ADCY2: variants seen among roughly 807,000 people sequenced by gnomAD.
ADCY2 encodes adenylate cyclase 2, also known as adenylate cyclase type 2.
ADCY2 carries 31 observed loss-of-function variants against 125.2 expected under a neutral mutation model. The ratio of observed to expected loss-of-function variants is 0.25; its 90% CI spans 0.19 to 0.33. The LOEUF is 0.33. Ranked by LOEUF, ADCY2 falls within the 10% of genes least tolerant of loss-of-function variation. ADCY2 has a pLI of 1.00. For synonymous variants in ADCY2, 512 were observed against 548.4 expected, an observed-to-expected ratio of 0.93 and a Z score of 0.93; for missense variants, 904 against 1,418.2, an observed-to-expected ratio of 0.64 and a Z score of 5.82.
At chr5:7,445,122 ATAGT>A (rs1275834887) in intron 2 of ADCY2, among the ~76,000 whole-genome samples, 1 of 152,228 alleles carries the variant, frequency 6.6e-6, no homozygotes. Flanking sequence ...GATCAATCTT[ATAGT>A]GTGTTTGGAG....
chr5:7,403,945 C>CACACAG (rs1213598424), intron 1 of ADCY2, among the ~76,000 whole-genome samples: 4 of 150,178 alleles, frequency 2.7e-5, no homozygotes, highest in African/African-American at 1.0e-4. Context: ...GCTACACACA[C>CACACAG]ACACACACAC....
intron 21 of ADCY2, among the ~76,000 whole-genome samples, chr5:7,803,062 C>T (rs1023784822): frequency 6.6e-6 from 1 of 152,126 alleles, no homozygotes; most frequent in Non-Finnish European, 1.5e-5. Flanking sequence ...TTACATAACA[C>T]GGTGGTTTCA....
chr5:7,557,150 A>ATATATATATATATATATAT (rs56195617), intron 3 of ADCY2, among the ~76,000 whole-genome samples: 1 of 107,576 alleles, frequency 9.3e-6, no homozygotes, highest in African/African-American at 3.6e-5. Context: ...TATATATATA[A>ATATATATATATATATATAT]ACTTTATAGA....
chr5:7,748,194 C>T (rs1357254297), intron 15 of ADCY2, among the ~76,000 whole-genome samples: 1 of 152,154 alleles, frequency 6.6e-6, no homozygotes, highest in Admixed American at 6.5e-5. Context: ...AGGGGACCTT[C>T]TCCAGATGGC....
intron 3 of ADCY2, among the ~76,000 whole-genome samples, chr5:7,572,933 G>C (rs1015048585): frequency 2.0e-5 from 3 of 152,150 alleles, no homozygotes; most frequent in African/African-American, 7.2e-5. Context: ...TGGAGATTGA[G>C]TCTTTACAGA....
At position 7,709,230 on chromosome 5, in the gene ADCY2, A is replaced by C. The variant is rs750384434; in HGVS notation, c.1421A>C (p.Gln474Pro). 6.2e-7 allele frequency: 1 copy of C among 1,611,854 alleles called. No homozygotes were observed. Among genetic ancestry groups the C allele is most frequent in the African/African-American group, 1.3e-5 (1 of 74,806 alleles). ...INPKGERRSP[Q>P]HLFRPRHTLD... Reference sequence around the variant, plus strand: ...CCCAAGGGAGAACGACGGAGCCCCCAGCATCTCTTCAGACCTCGCCACACC... The same window carrying C: ...CCCAAGGGAGAACGACGGAGCCCCCCGCATCTCTTCAGACCTCGCCACACC... The change falls in exon 10 of 25, where the codon CAG (glutamine) becomes CCG (proline). Residue 474 changes from glutamine to proline, a missense_variant. By Grantham distance (76) the Gln-to-Pro change is moderately conservative. Around this residue, in one of 7 missense-constraint regions of ADCY2, gnomAD observed 144 missense variants for 227.7 expected, o/e 0.63. Transcript: ENST00000338316. This position sits in a 1 kb window ranked among gnomAD's most constrained non-coding sequence, Gnocchi z 4.4.
At chr5:7,622,350 T>G (rs1412113707) in intron 3 of ADCY2, among the ~76,000 whole-genome samples, 1 of 152,228 alleles carries the variant, frequency 6.6e-6, no homozygotes, top group Non-Finnish European at 1.5e-5. Flanking sequence ...TCAATTAACC[T>G]TAGAATACAA....
chr5:7,588,045 A>G (rs919016051), intron 3 of ADCY2, among the ~76,000 whole-genome samples: 1 of 152,170 alleles, frequency 6.6e-6, no homozygotes, highest in African/African-American at 2.4e-5. Context: ...AATCCCTGTT[A>G]TTGTTACTGC....
chr5:7,446,838 G>T (rs2126411476), intron 2 of ADCY2, among the ~76,000 whole-genome samples: 1 of 152,264 alleles, frequency 6.6e-6, no homozygotes, highest in African/African-American at 2.4e-5. Context: ...CACTTAGAAA[G>T]AACTATATTT....
At chr5:7,626,853 A>C (rs1411961657) in intron 4 of ADCY2, among the ~76,000 whole-genome samples, 2 of 152,080 alleles carry the variant, frequency 1.3e-5, no homozygotes, top group Non-Finnish European at 2.9e-5. Flanking sequence ...TCAACATGAG[A>C]TTTGGAGAGG....
At chr5:7,614,356 C>G (rs1737678124) in intron 3 of ADCY2, among the ~76,000 whole-genome samples, 1 of 152,124 alleles carries the variant, frequency 6.6e-6, no homozygotes, top group South Asian at 2.1e-4. Context: ...TTCCTTTCCC[C>G]AAAACCAGCT....
At chr5:7,755,886 A>T (rs1323441571) in intron 15 of ADCY2, among the ~76,000 whole-genome samples, 1 of 152,222 alleles carries the variant, frequency 6.6e-6, no homozygotes, top group Admixed American at 6.5e-5. Context: ...AGCGCAGCCT[A>T]TTTGTGCTGT....
At chr5:7,567,010 T>G (rs1735914268) in intron 3 of ADCY2, among the ~76,000 whole-genome samples, 1 of 152,220 alleles carries the variant, frequency 6.6e-6, no homozygotes, top group Non-Finnish European at 1.5e-5. Flanking sequence ...AATTCATCAC[T>G]TAATAGATAC....
intron 4 of ADCY2, among the ~76,000 whole-genome samples, chr5:7,660,902 G>A (rs1011311664): frequency 1.3e-5 from 2 of 152,176 alleles, no homozygotes; most frequent in African/African-American, 4.8e-5. Flanking sequence ...AGCAGGGAAG[G>A]GTAGCTATGG....
intron 12 of ADCY2, among the ~76,000 whole-genome samples, chr5:7,723,759 A>G (rs933231511): frequency 4.0e-5 from 6 of 151,776 alleles, no homozygotes; most frequent in Non-Finnish European, 7.4e-5. Context: ...CACCTCTACT[A>G]AAAATACAAA....
chr5:7,585,197 C>G (rs546587094), intron 3 of ADCY2, among the ~76,000 whole-genome samples: 2 of 152,156 alleles, frequency 1.3e-5, no homozygotes, highest in East Asian at 3.9e-4. Context: ...TCATTTTCTA[C>G]GTGGCAATTT....
chr5:7,573,981 A>G (rs1363904341), intron 3 of ADCY2, among the ~76,000 whole-genome samples: 24 of 112,144 alleles, frequency 2.1e-4, no homozygotes, highest in Non-Finnish European at 3.0e-4. Flanking sequence ...TCATTGTTCA[A>G]TTCCCACCTA....
intron 3 of ADCY2, among the ~76,000 whole-genome samples, chr5:7,558,046 T>G (rs13162477): frequency 0.3 from 45,219 of 151,620 alleles, 7,884 homozygotes; most frequent in Non-Finnish European, 0.4. Flanking sequence ...TTTTGTTTTG[T>G]TTTTGGTTTT....
intron 4 of ADCY2, among the ~76,000 whole-genome samples, chr5:7,643,707 T>C (rs543324291): frequency 6.6e-6 from 1 of 152,144 alleles, no homozygotes; most frequent in South Asian, 2.1e-4. Context: ...GAAATAAATA[T>C]AGTCCATTTT....
Sources: allele counts gnomAD v4.1 joint callset (sites outside exome capture counted in the v4.1 genomes callset), GRCh38; gene constraint gnomAD v4.1.1; regional missense constraint gnomAD v4.1.1; non-coding constraint Gnocchi (gnomAD v3.1); transcripts MANE v1.5; gene names NCBI Gene and HGNC (gene_info 2026-07-23, HGNC 2026-07-21).